Variants in DOCK8 observed in about 807,000 individuals in gnomAD.
DOCK8 encodes the protein dedicator of cytokinesis protein 8.
In DOCK8, 141 loss-of-function variants were observed where a neutral mutation model predicts 245.6. The observed-to-expected ratio is 0.57, with a 90% CI of 0.50 to 0.66. DOCK8 has a LOEUF of 0.66. Ranked by LOEUF, DOCK8 falls within the 30% of genes least tolerant of loss-of-function variation. DOCK8 has a pLI of 0.00. For missense variants in DOCK8, 2,965 were observed against 2,603.4 expected, an observed-to-expected ratio of 1.14 and a Z score of -3.02; for synonymous variants, 1,168 against 970.2, an observed-to-expected ratio of 1.20 and a Z score of -3.79.
chr9:240,624 A>T (rs565968245), intron 1 of DOCK8, among the ~76,000 whole-genome samples: 4 of 152,274 alleles, frequency 2.6e-5, no homozygotes, highest in African/African-American at 9.6e-5. Flanking sequence ...ACTTATATTT[A>T]AGTCTGATAT....
rs200658329 is a variant in DOCK8 at position 216,758 on chromosome 9, G to A, written c.53+1729G>A. Among the ~76,000 whole-genome samples, 9 of 152,192 alleles carry A rather than the reference G, an allele frequency of 5.9e-5. No homozygotes were observed. In the East Asian group the frequency reaches 1.2e-3, roughly 20 times the overall value. On this transcript the variant is annotated intron_variant, in intron 1 of 47. Coordinates refer to ENST00000432829, the MANE Select transcript of DOCK8 (RefSeq NM_203447.4). ...TTTTAGATCAGGAAGTGTGACTGGG[G>A]CAGAAAGATGTTAGAAACTATGGGG...
At chr9:241,805 G>A (rs1315705125) in intron 1 of DOCK8, among the ~76,000 whole-genome samples, 1 of 152,150 alleles carries the variant, frequency 6.6e-6, no homozygotes, top group Admixed American at 6.6e-5. Context: ...TTAAAGGAAG[G>A]AATAGGTAAA....
At chr9:443,904 A>G (rs919880483) in intron 43 of DOCK8, among the ~76,000 whole-genome samples, 1 of 152,152 alleles carries the variant, frequency 6.6e-6, no homozygotes, top group African/African-American at 2.4e-5. Context: ...CTCAGACTTG[A>G]GGTCTGTTGC....
intron 1 of DOCK8, among the ~76,000 whole-genome samples, chr9:224,492 G>A (rs1258303726): frequency 6.6e-6 from 1 of 152,144 alleles, no homozygotes; most frequent in African/African-American, 2.4e-5. Flanking sequence ...TGGCTGAATG[G>A]TCAAGCTTGA....
chr9:315,529 T>C (rs2050305937), intron 6 of DOCK8, among the ~76,000 whole-genome samples: 1 of 152,214 alleles, frequency 6.6e-6, no homozygotes. Context: ...TAAGAAATTA[T>C]TAATTTTTAG....
intron 29 of DOCK8, among the ~76,000 whole-genome samples, chr9:415,959 A>T (rs1030709944): frequency 6.6e-6 from 1 of 152,246 alleles, no homozygotes; most frequent in African/African-American, 2.4e-5. Context: ...TATTTAGTTC[A>T]TGAAAATGGG....
intron 2 of DOCK8, among the ~76,000 whole-genome samples, chr9:281,762 G>T (rs2048597246): frequency 6.6e-6 from 1 of 152,154 alleles, no homozygotes; most frequent in South Asian, 2.1e-4. Context: ...ACTTGAATTT[G>T]CAAGAGGAAC....
intron 26 of DOCK8, among the ~76,000 whole-genome samples, chr9:402,791 C>CT (rs1294757011): frequency 6.6e-6 from 1 of 152,230 alleles, no homozygotes. Context: ...ACACCCATCC[C>CT]TTGGGTAGGG....
At chr9:213,265 A>C (rs1304851903), upstream of DOCK8, 2 of 152,192 alleles carry the variant, frequency 1.3e-5, no homozygotes, top group Non-Finnish European at 2.9e-5. Context: ...AAAAGTTACT[A>C]AACTACCTGA....
intron 1 of DOCK8, among the ~76,000 whole-genome samples, chr9:268,827 G>A (rs73374514): frequency 0.033 from 4,987 of 152,294 alleles, 255 homozygotes; most frequent in African/African-American, 0.11. Flanking sequence ...TTTGAGTCCT[G>A]TGGTGCCAAA....
chr9:372,097 G>T, intron 17 of DOCK8, 88 bp from the exon 18 acceptor site: 1 of 1,168,178 alleles, frequency 8.6e-7, no homozygotes. Context: ...TCACTGTTTA[G>T]TTGCATTTGA....
At chr9:360,185 A>G (rs559659034) in intron 14 of DOCK8, among the ~76,000 whole-genome samples, 1 of 152,080 alleles carries the variant, frequency 6.6e-6, no homozygotes, top group East Asian at 1.9e-4. Context: ...GCCTGGTAGC[A>G]TGCTCCTGTA....
intron 1 of DOCK8, among the ~76,000 whole-genome samples, chr9:238,693 A>G (rs1291536638): frequency 2.0e-5 from 3 of 152,224 alleles, no homozygotes; most frequent in East Asian, 3.8e-4. Flanking sequence ...TCCAGTACAT[A>G]TGTGATGGCA....
intron 6 of DOCK8, chr9:314,169 A>G (rs1586677604): frequency 1.3e-5 from 2 of 152,340 alleles, no homozygotes; most frequent in Middle Eastern, 3.4e-3. Context: ...TCCAAATATG[A>G]TATTTTTAAA....
intron 14 of DOCK8, among the ~76,000 whole-genome samples, chr9:340,990 G>A (rs1312768195): frequency 6.6e-6 from 1 of 152,202 alleles, no homozygotes; most frequent in Admixed American, 6.5e-5. Context: ...AAAAGGACAG[G>A]TTTTCAGCTA....
chr9:302,894 G>A (rs1046626258), intron 4 of DOCK8, among the ~76,000 whole-genome samples: 3 of 152,028 alleles, frequency 2.0e-5, no homozygotes, highest in Non-Finnish European at 4.4e-5. Flanking sequence ...TTGGGAGGCT[G>A]AGGCAGGAGG....
At chr9:214,850 T>C (rs1216373581), upstream of DOCK8, 2 of 1,601,510 alleles carry the variant, frequency 1.2e-6, no homozygotes, top group Non-Finnish European at 1.7e-6. Flanking sequence ...AATGCGGAAG[T>C]TTCCAGCGCC....
chr9:387,510 C>T (rs762114503), intron 23 of DOCK8, among the ~76,000 whole-genome samples: 1 of 151,838 alleles, frequency 6.6e-6, no homozygotes, highest in Non-Finnish European at 1.5e-5. Flanking sequence ...AAGCCATTTG[C>T]AAGAGCTGAC....
At chr9:433,120 A>G (rs1312195658) in intron 37 of DOCK8, among the ~76,000 whole-genome samples, 2 of 152,192 alleles carry the variant, frequency 1.3e-5, no homozygotes, top group East Asian at 3.9e-4. Flanking sequence ...CTCTACATCA[A>G]ATCGTTCCTC....
Sources: allele counts gnomAD v4.1 joint callset (sites outside exome capture counted in the v4.1 genomes callset), GRCh38; gene constraint gnomAD v4.1.1; transcripts MANE v1.5; gene names NCBI Gene and HGNC (gene_info 2026-07-23, HGNC 2026-07-21).